The following CNTN3 variants were observed in gnomAD, a reference collection of about 807,000 sequenced individuals.
The protein encoded by CNTN3 is contactin-3.
A neutral mutation model predicts 119.1 loss-of-function variants in CNTN3; 60 were observed. That is an observed-to-expected ratio of 0.50 (90% confidence interval 0.41 to 0.62). The LOEUF (loss-of-function observed/expected upper bound fraction) is 0.62. Among genes scored for constraint, CNTN3 ranks in the 20% least tolerant of loss-of-function variants. The pLI is 0.00. For synonymous variants in CNTN3, 450 were observed against 438.7 expected (o/e 1.03, Z -0.32); for missense variants, 1,101 against 1,242.4 (o/e 0.89, Z 1.71).
At chr3:74,492,766 T>A (rs1702987876) in intron 3 of CNTN3, among the ~76,000 whole-genome samples, 1 of 152,110 alleles carries the variant, frequency 6.6e-6, no homozygotes, top group Non-Finnish European at 1.5e-5. Flanking sequence ...AACGAATGTG[T>A]GTGTGTGTGT....
At chr3:74,363,856 C>T (rs527767249) in intron 10 of CNTN3, among the ~76,000 whole-genome samples, 69 of 152,184 alleles carry the variant, frequency 4.5e-4, no homozygotes, top group African/African-American at 1.6e-3. Flanking sequence ...TTCATTTGTG[C>T]TATGCTACAC....
Position 74,463,812 on chromosome 3 carries a change from C to T in CNTN3, c.358+22644G>A, listed in dbSNP as rs148999855. Among the ~76,000 whole-genome samples the T allele has an allele frequency of 2.5e-3, 384 of 152,216 alleles. 2 individuals are homozygous for T. The highest frequency in any genetic ancestry group is 8.7e-3 in the African/African-American group (362 of 41,550). ...AATGACGCTGTTGTCTAAAGTCTTCCGTGTTGTCCACCAGCAGCTTTAAAT... is the reference window on the plus strand; with the variant it reads ...AATGACGCTGTTGTCTAAAGTCTTCTGTGTTGTCCACCAGCAGCTTTAAAT... On this transcript the variant is annotated intron_variant, in intron 4 of 22. Transcript: ENST00000263665.
intron 1 of CNTN3, among the ~76,000 whole-genome samples, chr3:74,535,041 G>A (rs568003390): frequency 6.6e-6 from 1 of 152,098 alleles, no homozygotes; most frequent in African/African-American, 2.4e-5. Context: ...ACCTTGTCTG[G>A]AGATAAAGTC....
intron 20 of CNTN3, among the ~76,000 whole-genome samples, chr3:74,273,331 G>C (rs1044344579): frequency 6.6e-6 from 1 of 152,142 alleles, no homozygotes; most frequent in African/African-American, 2.4e-5. Flanking sequence ...GCTCCGACTC[G>C]GATGGACAGA....
intron 1 of CNTN3, among the ~76,000 whole-genome samples, chr3:74,535,575 G>A (rs1401466255): frequency 6.6e-6 from 1 of 152,060 alleles, no homozygotes; most frequent in Non-Finnish European, 1.5e-5. Flanking sequence ...GGAGGGTGGA[G>A]ACTGAGAACA....
At chr3:74,462,007 T>A (rs1011622016) in intron 4 of CNTN3, among the ~76,000 whole-genome samples, 1 of 152,098 alleles carries the variant, frequency 6.6e-6, no homozygotes, top group Non-Finnish European at 1.5e-5. Context: ...GAGTTGACTA[T>A]ATTATGAGGA....
chr3:74,411,322 A>G lies in CNTN3; in HGVS notation c.454+13523T>C, dbSNP rs557532759. Among the ~76,000 whole-genome samples the G allele has an allele frequency of 7.2e-5, 11 of 152,260 alleles. No homozygotes were observed. In the East Asian group the frequency reaches 9.7e-4, roughly 13 times the overall value. Reference sequence around the variant, plus strand: ...AAACCTTTAGAGCACTCGGCAGAGGATATTTTGAAAATTACTGGTGAACCC... The same window carrying G: ...AAACCTTTAGAGCACTCGGCAGAGGGTATTTTGAAAATTACTGGTGAACCC... On this transcript the variant is annotated intron_variant, in intron 5 of 22. Coordinates refer to ENST00000263665, the MANE Select transcript of CNTN3 (RefSeq NM_020872.3).
intron 1 of CNTN3, among the ~76,000 whole-genome samples, chr3:74,577,154 T>C (rs1375052154): frequency 1.3e-5 from 2 of 152,088 alleles, no homozygotes; most frequent in African/African-American, 4.8e-5. Context: ...GACCTAAATT[T>C]AGGAAAAATG....
chr3:74,559,401 G>A (rs1269236093), intron 1 of CNTN3, among the ~76,000 whole-genome samples: 1 of 152,040 alleles, frequency 6.6e-6, no homozygotes, highest in African/African-American at 2.4e-5. Flanking sequence ...GCTCCTTTGG[G>A]GCCTCATTAG....
chr3:74,494,473 C>T (rs2107064952), intron 3 of CNTN3, among the ~76,000 whole-genome samples: 1 of 152,122 alleles, frequency 6.6e-6, no homozygotes, highest in Admixed American at 6.6e-5. Context: ...TAGAAAGATA[C>T]TCTACTCTTC....
At position 74,336,555 on chromosome 3, in the gene CNTN3, C is replaced by T; in HGVS notation, c.1468G>A (p.Gly490Ser). 1.2e-6 allele frequency: 2 copies of T among 1,612,748 alleles called. No homozygotes were observed. The highest frequency in any genetic ancestry group is 1.7e-6 in the Non-Finnish European group (2 of 1,179,022). The change falls in exon 12 of 23, where the codon GGC (glycine) becomes AGC (serine). Residue 490 changes from glycine (G) to serine (S), a missense_variant. By Grantham distance (56) the Gly-to-Ser change is moderately conservative (BLOSUM62 0). Coordinates refer to ENST00000263665, the MANE Select transcript of CNTN3 (RefSeq NM_020872.3). ...MAENQFGKANGTTHLVVTEPT... is the reference protein window; with the variant it reads ...MAENQFGKANSTTHLVVTEPT... ...CCCGTAACAACCAAATGTGTTGTGC[C>T]ATTTGCTTTCCCAAACTGGTTTTCT...
chr3:74,588,703 C>T (rs970777767), intron 1 of CNTN3, among the ~76,000 whole-genome samples: 2 of 152,162 alleles, frequency 1.3e-5, no homozygotes, highest in African/African-American at 2.4e-5. Flanking sequence ...TGACTTCAAA[C>T]TATACTACAA....
intron 1 of CNTN3, among the ~76,000 whole-genome samples, 175 bp downstream of exon 1, chr3:74,614,216 C>T (rs1705130663): frequency 6.6e-6 from 1 of 152,224 alleles, no homozygotes; most frequent in Non-Finnish European, 1.5e-5. Flanking sequence ...AAAATAATCT[C>T]CCCAGAGCAA....
intron 5 of CNTN3, among the ~76,000 whole-genome samples, chr3:74,411,231 C>T (rs905410452): frequency 6.6e-6 from 1 of 151,832 alleles, no homozygotes; most frequent in Admixed American, 6.6e-5. Context: ...AAAAGTCACT[C>T]TATTTGAAGA....
chr3:74,594,273 CTTT>C (rs59436860), intron 1 of CNTN3, among the ~76,000 whole-genome samples: 4 of 112,086 alleles, frequency 3.6e-5, no homozygotes, highest in Admixed American at 8.9e-5. Flanking sequence ...TTCTTTTTTT[CTTT>C]TTTTTTTTTT....
At chr3:74,393,509 G>A (rs1209265840) in intron 5 of CNTN3, among the ~76,000 whole-genome samples, 4 of 152,190 alleles carry the variant, frequency 2.6e-5, no homozygotes, top group Non-Finnish European at 4.4e-5. Flanking sequence ...GATTTGCAGA[G>A]GGAGTGTTAT....
chr3:74,342,445 G>A (rs1703571543), intron 11 of CNTN3, among the ~76,000 whole-genome samples: 1 of 152,136 alleles, frequency 6.6e-6, no homozygotes, highest in Non-Finnish European at 1.5e-5. Context: ...CAGAATGGAG[G>A]AGATCAGCAG....
At chr3:74,308,214 T>C (rs1210325688) in intron 13 of CNTN3, among the ~76,000 whole-genome samples, 1 of 152,196 alleles carries the variant, frequency 6.6e-6, no homozygotes, top group African/African-American at 2.4e-5. Context: ...TCATTACTAA[T>C]GTACGCTGCT....
chr3:74,561,579 C>G (rs1323735565), intron 1 of CNTN3, among the ~76,000 whole-genome samples: 1 of 152,158 alleles, frequency 6.6e-6, no homozygotes, highest in Non-Finnish European at 1.5e-5. Context: ...TTTCTGGTCT[C>G]TGCTCAGCAG....
Sources: allele counts gnomAD v4.1 joint callset (sites outside exome capture counted in the v4.1 genomes callset), GRCh38; gene constraint gnomAD v4.1.1; transcripts MANE v1.5; gene names NCBI Gene and HGNC (gene_info 2026-07-23, HGNC 2026-07-21).